The following C10orf90 variants were observed in gnomAD, a reference collection of about 807,000 sequenced individuals.
C10orf90 encodes the protein chromosome 10 open reading frame 90, also known as (E2-independent) E3 ubiquitin-conjugating enzyme FATS.
Under a neutral mutation model 62.5 loss-of-function variants are expected in C10orf90, and 56 were observed. The observed-to-expected ratio is 0.90, with a 90% confidence interval of 0.72 to 1.12. The LOEUF is 1.12. Among genes scored for constraint, C10orf90 ranks in the 50% most tolerant of loss-of-function variants. The pLI, the probability that C10orf90 is intolerant of heterozygous loss-of-function variation, is 0.00. For synonymous variants in C10orf90, 386 were observed against 340.4 expected (o/e 1.13, Z -1.47); for missense variants, 970 against 880.4 (o/e 1.10, Z -1.29).
chr10:126,547,818 T>C (rs900008014), intron 2 of C10orf90, among the ~76,000 whole-genome samples: 1 of 151,896 alleles, frequency 6.6e-6, no homozygotes, highest in African/African-American at 2.4e-5. Context: ...ACAATTGAAA[T>C]TGCCCAAACT....
At chr10:126,441,575 A>G (rs1000130051) in intron 7 of C10orf90, among the ~76,000 whole-genome samples, 3 of 152,204 alleles carry the variant, frequency 2.0e-5, no homozygotes, top group Non-Finnish European at 4.4e-5. Context: ...GCCTAGGCAC[A>G]TTGTCATCAG....
intron 2 of C10orf90, among the ~76,000 whole-genome samples, chr10:126,605,474 T>A (rs1225543956): frequency 6.6e-6 from 1 of 152,138 alleles, no homozygotes; most frequent in Non-Finnish European, 1.5e-5. Flanking sequence ...GCAGGACAAC[T>A]GCTCCTTGGA....
At chr10:126,659,884 A>G (rs1389967862) in intron 1 of C10orf90, among the ~76,000 whole-genome samples, 2 of 152,162 alleles carry the variant, frequency 1.3e-5, no homozygotes, top group African/African-American at 4.8e-5. Flanking sequence ...TCTAACACAT[A>G]CCGCATGCAC....
At chr10:126,609,033 T>C (rs1169441843) in intron 2 of C10orf90, among the ~76,000 whole-genome samples, 1 of 152,190 alleles carries the variant, frequency 6.6e-6, no homozygotes, top group Non-Finnish European at 1.5e-5. Flanking sequence ...TTACAAGCTG[T>C]ATGGCCTTGG....
At chr10:126,584,683 C>A (rs935170281) in intron 2 of C10orf90, among the ~76,000 whole-genome samples, 3 of 152,140 alleles carry the variant, frequency 2.0e-5, no homozygotes, top group Non-Finnish European at 4.4e-5. Context: ...GGACCCAAAC[C>A]CCTCTCAGAA....
rs556885750 is a variant in C10orf90 at position 126,551,156 on chromosome 10, C to T, written c.314-37217G>A. ...CCAAGCTGTAAAACCTTGAAGAGGA[C>T]ATTCATCCCCTCCAAGCCTCAGTTC... is the stretch of plus-strand genomic sequence containing the variant. On this transcript the variant is annotated intron_variant, in intron 2 of 9. Coordinates refer to ENST00000488181, the MANE Select transcript of C10orf90 (RefSeq NM_001350921.2). Among the ~76,000 whole-genome samples the T allele has an allele frequency of 1.3e-3, 203 of 152,330 alleles. 2 individuals carry two copies. Among genetic ancestry groups the T allele is most frequent in the Non-Finnish European group, 1.5e-3 (105 of 68,020 alleles).
intron 2 of C10orf90, among the ~76,000 whole-genome samples, chr10:126,603,873 G>A (rs1845251375): frequency 6.6e-6 from 1 of 152,180 alleles, no homozygotes; most frequent in Non-Finnish European, 1.5e-5. Context: ...CGAGCCATAT[G>A]CAGAGGGAGG....
At chr10:126,426,119 T>C in intron 8 of C10orf90, 29 bp from the exon 9 acceptor site, 1 of 1,582,516 alleles carries the variant, frequency 6.3e-7, no homozygotes, top group Non-Finnish European at 8.7e-7. Flanking sequence ...ACATTTGGAA[T>C]GGTAGCTTGA....
intron 1 of C10orf90, among the ~76,000 whole-genome samples, chr10:126,660,833 C>A (rs1174484466): frequency 1.3e-5 from 2 of 152,206 alleles, no homozygotes; most frequent in African/African-American, 4.8e-5. Context: ...AAATTGATAT[C>A]ATCTCAGTCA....
chr10:126,479,748 T>C (rs769779131), intron 4 of C10orf90, among the ~76,000 whole-genome samples: 1 of 152,208 alleles, frequency 6.6e-6, no homozygotes, highest in Non-Finnish European at 1.5e-5. Flanking sequence ...CCAGATTTTC[T>C]AAAAATAAAA....
chr10:126,620,706 C>T (rs1215858216), intron 2 of C10orf90, among the ~76,000 whole-genome samples: 1 of 148,260 alleles, frequency 6.7e-6, no homozygotes, highest in Admixed American at 6.7e-5. Flanking sequence ...AAAATGTCAA[C>T]AAATCCAGAA....
Position 126,469,085 on chromosome 10 carries a change from G to A in C10orf90, c.1535-4099C>T, listed in dbSNP as rs1020027086. On this transcript the variant is annotated intron_variant, in intron 4 of 9. Coordinates refer to ENST00000488181, the MANE Select transcript of C10orf90 (RefSeq NM_001350921.2). ...GAGTGGTTGCTAAGGAGAGAAACCA[G>A]TACAACAGCAAGACTGTCAGTCACA... Among the ~76,000 whole-genome samples, 9 of 152,244 alleles carry A rather than the reference G, an allele frequency of 5.9e-5. No individual in the cohort carries two copies. In the East Asian group the frequency reaches 1.7e-3, roughly 29 times the overall value.
intron 2 of C10orf90, among the ~76,000 whole-genome samples, chr10:126,633,979 A>T (rs1432425423): frequency 6.6e-6 from 1 of 152,198 alleles, no homozygotes; most frequent in African/African-American, 2.4e-5. Flanking sequence ...AGAAGAAACG[A>T]TAAGTTTTGG....
intron 2 of C10orf90, among the ~76,000 whole-genome samples, chr10:126,525,951 G>A (rs560563482): frequency 2.1e-4 from 32 of 151,644 alleles, no homozygotes; most frequent in Non-Finnish European, 3.4e-4. Flanking sequence ...CAAGAACAGG[G>A]AAACCGTCCT....
intron 2 of C10orf90, among the ~76,000 whole-genome samples, chr10:126,630,931 G>A (rs764715590): frequency 4.6e-5 from 7 of 152,096 alleles, no homozygotes; most frequent in South Asian, 2.1e-4. Context: ...TGTTTCCAGC[G>A]TTCACTCCTG....
At chr10:126,576,699 G>GTACATA (rs1844623547) in intron 2 of C10orf90, among the ~76,000 whole-genome samples, 1 of 72,626 alleles carries the variant, frequency 1.4e-5, no homozygotes, top group African/African-American at 6.4e-5. Flanking sequence ...ACATGTATAT[G>GTACATA]TATATGTATA....
chr10:126,667,303 C>A (rs1397042199), intron 1 of C10orf90, among the ~76,000 whole-genome samples: 1 of 151,976 alleles, frequency 6.6e-6, no homozygotes, highest in Non-Finnish European at 1.5e-5. Flanking sequence ...CGTGATCCAC[C>A]CACCTCAGCC....
chr10:126,571,310 G>A (rs183561566), intron 2 of C10orf90, among the ~76,000 whole-genome samples: 1 of 152,148 alleles, frequency 6.6e-6, no homozygotes, highest in East Asian at 1.9e-4. Flanking sequence ...CAGGCCAAAG[G>A]GCAGGTGAGA....
At chr10:126,442,368 A>G (rs574124444) in intron 7 of C10orf90, among the ~76,000 whole-genome samples, 15 of 149,642 alleles carry the variant, frequency 1.0e-4, no homozygotes, top group Admixed American at 6.0e-4. Flanking sequence ...TCACAATCCT[A>G]TACATATATA....
Sources: gnomAD v4.1 joint callset for allele counts (sites outside exome capture counted in the v4.1 genomes callset) on GRCh38, gnomAD v4.1.1 for gene constraint, MANE v1.5 for transcripts, NCBI Gene and HGNC (gene_info 2026-07-23, HGNC 2026-07-21) for gene names.